The following TIAM1 variants were observed in gnomAD, a reference collection of about 807,000 sequenced individuals.
The protein encoded by TIAM1 is rho guanine nucleotide exchange factor TIAM1.
In TIAM1, 65 loss-of-function variants were observed where a neutral mutation model predicts 163.5. The observed-to-expected ratio is 0.40, with a 90% CI of 0.33 to 0.49. The LOEUF is 0.49. Among genes scored for constraint, TIAM1 ranks in the 20% least tolerant of loss-of-function variants. TIAM1 has a pLI of 0.77. For missense variants in TIAM1, 1,789 were observed against 2,044.7 expected (o/e 0.87, Z 2.41); for synonymous variants, 833 against 810.1 (o/e 1.03, Z -0.48).
At chr21:31,490,839 A>C (rs2046441848) in intron 1 of TIAM1, among the ~76,000 whole-genome samples, 2 of 152,216 alleles carry the variant, frequency 1.3e-5, no homozygotes, top group South Asian at 4.1e-4. Flanking sequence ...AATAAGCCCA[A>C]GGATTGGCCG....
At chr21:31,132,351 TCACAGCATCTGACCC>T (rs1317375869) in intron 23 of TIAM1, among the ~76,000 whole-genome samples, 3 of 152,228 alleles carry the variant, frequency 2.0e-5, no homozygotes, top group Admixed American at 2.0e-4. Flanking sequence ...CCTTCACACC[TCACAGCATCTGACCC>T]CTCAAGGTTC....
At chr21:31,275,358 G>A (rs987932194) in intron 3 of TIAM1, among the ~76,000 whole-genome samples, 4 of 151,974 alleles carry the variant, frequency 2.6e-5, no homozygotes, top group Non-Finnish European at 5.9e-5. Flanking sequence ...TTAAGTCACC[G>A]AATTTTTTTT....
intron 2 of TIAM1, among the ~76,000 whole-genome samples, chr21:31,401,554 C>T (rs1180049521): frequency 6.6e-6 from 1 of 152,168 alleles, no homozygotes; most frequent in Non-Finnish European, 1.5e-5. Context: ...CTGAGACCAC[C>T]CATCATACAT....
chr21:31,238,346 A>G (rs1437648168), intron 6 of TIAM1, among the ~76,000 whole-genome samples: 1 of 152,204 alleles, frequency 6.6e-6, no homozygotes, highest in Non-Finnish European at 1.5e-5. Context: ...TTCCTCCAAA[A>G]GCTTCCTTTT....
chr21:31,496,562 T>C (rs1283271576), intron 1 of TIAM1, among the ~76,000 whole-genome samples: 1 of 151,786 alleles, frequency 6.6e-6, no homozygotes, highest in Non-Finnish European at 1.5e-5. Flanking sequence ...TTTAAAAAAT[T>C]AAAGTCTGTG....
chr21:31,242,913 G>T (rs1376936149), intron 6 of TIAM1, among the ~76,000 whole-genome samples: 1 of 149,722 alleles, frequency 6.7e-6, no homozygotes, highest in Non-Finnish European at 1.5e-5. Flanking sequence ...ATGACCAGGT[G>T]CAGTGGCTCA....
At chr21:31,540,983 T>C (rs1342621107) in intron 1 of TIAM1, among the ~76,000 whole-genome samples, 1 of 152,200 alleles carries the variant, frequency 6.6e-6, no homozygotes, top group Non-Finnish European at 1.5e-5. Flanking sequence ...AATTCATATA[T>C]GGATATATAC....
chr21:31,481,525 T>C (rs900906797), intron 1 of TIAM1, among the ~76,000 whole-genome samples: 1 of 152,140 alleles, frequency 6.6e-6, no homozygotes, highest in Non-Finnish European at 1.5e-5. Context: ...CAGCTACAGA[T>C]GGAGGGCCCA....
rs1195128797 is a variant in TIAM1 at position 31,430,235 on chromosome 21, T to A, written c.-369+33748A>T. 3.9e-4 allele frequency among the ~76,000 whole-genome samples: 51 copies of A among 130,030 alleles called. 1 individual carries two copies. The highest frequency in any genetic ancestry group is 1.5e-3 in the African/African-American group (46 of 29,794). The allele number at this position is 130,030 out of a possible 152,430, so 85.3% of individuals were successfully genotyped here. A position where few individuals can be genotyped will look rare whatever the true frequency, so the allele number is the denominator to read the frequency against. On this transcript the variant is annotated intron_variant, in intron 2 of 28. Transcript: ENST00000286827. ...GAAAAAAAAAAAAAAAATATATATA[T>A]ATATATATATATACACACACACACA...
intron 2 of TIAM1, among the ~76,000 whole-genome samples, chr21:31,308,892 A>G (rs554240280): frequency 2.0e-5 from 3 of 152,320 alleles, no homozygotes; most frequent in Non-Finnish European, 4.4e-5. Flanking sequence ...GACAGCCTAC[A>G]GCAAACTAAA....
rs769183017 is a variant in TIAM1, at chr21:31,266,167, T to A, written c.806A>T (p.Asn269Ile). Residue 269 changes from asparagine to isoleucine, a missense_variant, in exon 4 of 28, where the codon AAC (asparagine) becomes ATC (isoleucine). Asn to Ile is a moderately radical substitution (Grantham distance 149). Around this residue, in one of 5 missense-constraint regions of TIAM1, gnomAD observed 555 missense variants for 564.9 expected, o/e 0.98. Transcript: ENST00000541036. ...NLVSDIPNLA[N>I]HKMPPAAAEE... ...AGCAGCAGCTGGTGGCATCTTATGGTTTGCAAGATTGGGAATATCAGACAC... is the reference window on the plus strand; with the variant it reads ...AGCAGCAGCTGGTGGCATCTTATGGATTGCAAGATTGGGAATATCAGACAC... 5 of 1,614,112 alleles carry A rather than the reference T, an allele frequency of 3.1e-6. No homozygotes were observed. The highest frequency in any genetic ancestry group is 4.2e-6 in the Non-Finnish European group (5 of 1,180,028).
chr21:31,363,878 T>C (rs375379058), intron 2 of TIAM1, among the ~76,000 whole-genome samples: 1 of 151,968 alleles, frequency 6.6e-6, no homozygotes, highest in African/African-American at 2.4e-5. Context: ...CAACATGCAA[T>C]GAAACCACAG....
At chr21:31,503,842 A>G (rs2046943995) in intron 1 of TIAM1, among the ~76,000 whole-genome samples, 1 of 151,292 alleles carries the variant, frequency 6.6e-6, no homozygotes, top group African/African-American at 2.4e-5. Flanking sequence ...TAAAATAAAT[A>G]GGTTAATTTA....
At chr21:31,298,538 T>G (rs1047581874) in intron 2 of TIAM1, among the ~76,000 whole-genome samples, 2 of 152,206 alleles carry the variant, frequency 1.3e-5, no homozygotes, top group Non-Finnish European at 2.9e-5. Flanking sequence ...ATCAGTGTCA[T>G]GGCTGGCCAG....
Position 31,130,954 on chromosome 21 carries a change from A to G in TIAM1, c.3884-6T>C. 1.2e-6 allele frequency: 2 copies of G among 1,613,320 alleles called. No homozygotes were observed. On this transcript the variant is annotated splice_polypyrimidine_tract_variant and splice_region_variant and intron_variant, in intron 23 of 27. Transcript: ENST00000541036. Reference sequence around the variant, plus strand: ...GACCACAGCAGTTTTGAAGACTGGAAAAAATAAAATAAAGACAGTTATGGT... The same window carrying G: ...GACCACAGCAGTTTTGAAGACTGGAGAAAATAAAATAAAGACAGTTATGGT...
intron 1 of TIAM1, among the ~76,000 whole-genome samples, chr21:31,521,984 G>A (rs928564649): frequency 6.6e-6 from 1 of 151,954 alleles, no homozygotes; most frequent in Non-Finnish European, 1.5e-5. Context: ...CCATTCTCCA[G>A]CCTCAGGCTC....
chr21:31,151,815 C>T (rs2083384006), intron 19 of TIAM1, among the ~76,000 whole-genome samples: 1 of 152,080 alleles, frequency 6.6e-6, no homozygotes, highest in South Asian at 2.1e-4. Flanking sequence ...GGAGGTGCAA[C>T]ACAGGAAATC....
At chr21:31,508,927 C>G (rs1166411142) in intron 1 of TIAM1, among the ~76,000 whole-genome samples, 2 of 152,140 alleles carry the variant, frequency 1.3e-5, no homozygotes, top group African/African-American at 2.4e-5. Flanking sequence ...GGACATTTAG[C>G]AAACTGGGCT....
intron 1 of TIAM1, among the ~76,000 whole-genome samples, chr21:31,477,540 T>C (rs562738124): frequency 6.8e-6 from 1 of 146,206 alleles, no homozygotes; most frequent in East Asian, 2.1e-4. Context: ...AGTGGCGCAA[T>C]CTCGGCTCAC....
Sources: allele counts gnomAD v4.1 joint callset (sites outside exome capture counted in the v4.1 genomes callset), GRCh38; gene constraint gnomAD v4.1.1; regional missense constraint gnomAD v4.1.1; transcripts MANE v1.5; gene names NCBI Gene and HGNC (gene_info 2026-07-23, HGNC 2026-07-21).